Variants in SUN2 observed in about 807,000 individuals in gnomAD.
SUN2 encodes Sad1 and UNC84 domain containing 2.
In SUN2, 60 loss-of-function variants were observed where a neutral mutation model predicts 100.0. That is an observed-to-expected ratio of 0.60 (90% confidence interval 0.49 to 0.74). SUN2 has a LOEUF of 0.74. SUN2 is among the 30% of genes least tolerant of loss of function. SUN2 has a pLI of 0.00. For synonymous variants in SUN2, 367 were observed against 403.3 expected (o/e 0.91, Z 1.08); for missense variants, 834 against 954.6 (o/e 0.87, Z 1.66).
Position 38,740,818 on chromosome 22 carries a change from T to C in SUN2, c.1190+189A>G. The stretch of plus-strand genomic sequence containing the variant: ...CCCCCCGCCCTCAGGACCCCCCTGC[T>C]AACCTCCATGGCACCTCAAAGACAG... On this transcript the variant is annotated intron_variant, in intron 11 of 17. Coordinates refer to ENST00000689035, the MANE Select transcript of SUN2 (RefSeq NM_015374.3). This position sits in a 1 kb window ranked among gnomAD's most constrained non-coding sequence, Gnocchi z 4.8. 1 of 642,740 alleles carries C rather than the reference T, an allele frequency of 1.6e-6. No homozygotes were observed. Among genetic ancestry groups the C allele is most frequent in the Non-Finnish European group, 2.7e-6 (1 of 370,304 alleles). The allele number at this position is 642,740 out of a possible 1,614,324, so 39.8% of individuals were successfully genotyped here.
chr22:38,746,753 C>A (rs968457246), intron 7 of SUN2, among the ~76,000 whole-genome samples: 1 of 152,014 alleles, frequency 6.6e-6, no homozygotes, highest in Non-Finnish European at 1.5e-5. Flanking sequence ...CTGACTGGGC[C>A]GGGCGCGGTG....
In SUN2 at chr22:38,750,293, G is replaced by A. The variant is rs149626068; in HGVS notation, c.452C>T (p.Ser151Phe). 2.5e-6 allele frequency: 4 copies of A among 1,613,970 alleles called. No homozygotes were observed. Among genetic ancestry groups the A allele is most frequent in the Non-Finnish European group, 3.4e-6 (4 of 1,180,004 alleles). Reference sequence around the variant, plus strand: ...GACGGCGCTTCGGAGCCGCGAGCTGGAACTCTGCTGGTCCACATCCGAGTA... The same window carrying A: ...GACGGCGCTTCGGAGCCGCGAGCTGAAACTCTGCTGGTCCACATCCGAGTA... ...VGYSDVDQQS[S>F]SSRLRSAVSR... is the part of the protein sequence containing the mutation. Residue 151 changes from serine (S) to phenylalanine (F), a missense_variant, in exon 5 of 18, where the codon TCC becomes TTC. Physicochemically the swap from Ser to Phe is radical, Grantham distance 155. Transcript: ENST00000689035.
chr22:38,739,006 G>A lies in SUN2; in HGVS notation c.1664-18C>T, dbSNP rs747023868. The A allele has an allele frequency of 1.0e-5, 16 of 1,597,332 alleles. No homozygotes were observed. Among genetic ancestry groups the A allele is most frequent in the African/African-American group, 1.3e-5 (1 of 74,520 alleles). On this transcript the variant is annotated intron_variant, in intron 14 of 17. Transcript: ENST00000689035. This position sits in a 1 kb window ranked among gnomAD's most constrained non-coding sequence, Gnocchi z 6.7. ...GCTGGCCCCTGAGACAGGAGAGGAA[G>A]GCAGGGTGGGCTCCCGCACGGGAGG...
chr22:38,736,199 G>T lies in SUN2; in HGVS notation c.*68C>A. The T allele has an allele frequency of 6.9e-7, 1 of 1,444,534 alleles. No individual in the cohort carries two copies. The highest frequency in any genetic ancestry group is 9.7e-7 in the Non-Finnish European group (1 of 1,029,822). 89.5% of individuals were successfully genotyped at this position (1,444,534 alleles called of 1,614,324 possible). A position where few individuals can be genotyped will look rare whatever the true frequency, so the allele number is the denominator to read the frequency against. On this transcript the variant is annotated 3_prime_UTR_variant, in exon 18 of 18. Coordinates refer to ENST00000689035, the MANE Select transcript of SUN2 (RefSeq NM_015374.3). ...AGAAGTCAGAGCGCCGAGCAAGCGT[G>T]TGGGGGAAGCGGCGGGGTGCTGTTC...
At position 38,738,203 on chromosome 22, in the gene SUN2, G is replaced by A. The variant is rs529579340; in HGVS notation, c.2010C>T (p.Asp670=). The A allele has an allele frequency of 2.9e-5, 47 of 1,613,936 alleles. No homozygotes were observed. Among genetic ancestry groups the A allele is most frequent in the South Asian group, 2.3e-4 (21 of 91,088 alleles). ...TLLGKFTYDQ[D]GEPIQTFHFQ... ...AGTGAAACGTCTGAATAGGCTCGCC[G>A]TCCTGATCGTAAGTGAACTTGCCAA... The change falls in exon 17 of 18, where the codon GAC becomes GAT. Residue 670 remains aspartate (D), a synonymous_variant. Coordinates refer to ENST00000689035, the MANE Select transcript of SUN2 (RefSeq NM_015374.3). This position sits in a 1 kb window ranked among gnomAD's most constrained non-coding sequence, Gnocchi z 6.6.
chr22:38,748,268 C>T (rs981691662), intron 7 of SUN2, among the ~76,000 whole-genome samples: 4 of 152,178 alleles, frequency 2.6e-5, no homozygotes, highest in Non-Finnish European at 4.4e-5. Context: ...GAGCTGACAT[C>T]GCGCCATTGC....
intron 8 of SUN2, among the ~76,000 whole-genome samples, chr22:38,744,450 G>A (rs2092886996): frequency 6.6e-6 from 1 of 151,896 alleles, no homozygotes. Flanking sequence ...ACATGGTGGT[G>A]TACACCTGTA....
Position 38,755,812 on chromosome 22 carries a change from C to A in SUN2, c.-87G>T. The A allele has an allele frequency of 1.0e-6, 1 of 983,860 alleles. No homozygotes were observed. The highest frequency in any genetic ancestry group is 1.7e-5 in the African/African-American group (1 of 57,160). The allele number at this position is 983,860 out of a possible 1,614,324, so 60.9% of individuals were successfully genotyped here. ...CGGCCGGGGGCGTCCGAGGCCAGGC[C>A]GCCGCCGGGGCGCGCCCCCTTTCCG... On this transcript the variant is annotated 5_prime_UTR_variant, in exon 1 of 18. Transcript: ENST00000689035. This position sits in a 1 kb window ranked among gnomAD's most constrained non-coding sequence, Gnocchi z 5.7.
chr22:38,750,303 G>A lies in SUN2; in HGVS notation c.442C>T (p.Gln148Ter), dbSNP rs755615804. Residue 148 changes from glutamine (Q) to a stop codon, truncating the protein, a stop_gained, in exon 5 of 18, where the codon CAG (glutamine) becomes TAG (stop). Coordinates refer to ENST00000689035, the MANE Select transcript of SUN2 (RefSeq NM_015374.3). LOFTEE classifies it high-confidence loss of function. ...CGGAGCCGCGAGCTGGAACTCTGCT[G>A]GTCCACATCCGAGTAGCCTGCGGGG... Reference protein sequence around the residue: ...DDYVGYSDVDQQSSSSRLRSA... With the variant: ...DDYVGYSDVD 7 of 1,613,850 alleles carry A rather than the reference G, an allele frequency of 4.3e-6. No individual in the cohort carries two copies.
chr22:38,739,074 G>T lies in SUN2; in HGVS notation c.1664-86C>A. ...ATTGGCTGTCTCCTCGCTGAAGGTG[G>T]ACGGCAGATGCCCCAGGCCTAGCCT... On this transcript the variant is annotated intron_variant, in intron 14 of 17. Transcript: ENST00000689035. The surrounding 1 kb of genome is among the most constrained non-coding windows in gnomAD (Gnocchi z 6.7). 7.6e-7 allele frequency: 1 copy of T among 1,323,762 alleles called. No individual in the cohort carries two copies. The highest frequency in any genetic ancestry group is 1.1e-6 in the Non-Finnish European group (1 of 942,066). 82.0% of individuals were successfully genotyped at this position (1,323,762 alleles called of 1,614,324 possible).
intron 6 of SUN2, among the ~76,000 whole-genome samples, chr22:38,749,549 C>T (rs995926117): frequency 6.6e-6 from 1 of 152,166 alleles, no homozygotes; most frequent in African/African-American, 2.4e-5. Context: ...AATCCTGCCT[C>T]GAAGGGCTAT....
chr22:38,736,188 C>G lies in SUN2; in HGVS notation c.*79G>C. ...CTTGTGCTCCTAGAAGTCAGAGCGC[C>G]GAGCAAGCGTGTGGGGGAAGCGGCG... On this transcript the variant is annotated 3_prime_UTR_variant, in exon 18 of 18. Transcript: ENST00000689035. 5 of 1,361,116 alleles carry G rather than the reference C, an allele frequency of 3.7e-6. No individual in the cohort carries two copies. Among genetic ancestry groups the G allele is most frequent in the Non-Finnish European group, 5.2e-6 (5 of 955,782 alleles). The allele number at this position is 1,361,116 out of a possible 1,614,324, so 84.3% of individuals were successfully genotyped here. A position where few individuals can be genotyped will look rare whatever the true frequency, so the allele number is the denominator to read the frequency against.
chr22:38,735,457 C>G lies in SUN2; in HGVS notation c.*810G>C. On this transcript the variant is annotated 3_prime_UTR_variant, in exon 18 of 18. Transcript: ENST00000689035. ...AAAGACAGGTCTAGGTCTCCATACC[C>G]TGGGAGAATGTGGAAAGCAAGCTCA... is the stretch of plus-strand genomic sequence containing the variant. 1 of 299,182 alleles carries G rather than the reference C, an allele frequency of 3.3e-6. No homozygotes were observed. Among genetic ancestry groups the G allele is most frequent in the Non-Finnish European group, 6.6e-6 (1 of 150,956 alleles). 18.5% of individuals were successfully genotyped at this position (299,182 alleles called of 1,614,324 possible).
Position 38,739,539 on chromosome 22 carries a change from G to T in SUN2, c.1579-113C>A. 2 of 1,368,210 alleles carry T rather than the reference G, an allele frequency of 1.5e-6. No individual in the cohort carries two copies. The highest frequency in any genetic ancestry group is 2.4e-5 in the South Asian group (2 of 82,186). The allele number at this position is 1,368,210 out of a possible 1,614,324, so 84.8% of individuals were successfully genotyped here. ...CTGACCCCTTCTAGGCTTGCACTGT[G>T]CTGGTGCCCAGGCAGATGTGGGCAC... On this transcript the variant is annotated intron_variant, in intron 13 of 17. Transcript: ENST00000689035. The surrounding 1 kb of genome is among the most constrained non-coding windows in gnomAD (Gnocchi z 6.7).
intron 1 of SUN2, chr22:38,754,788 G>T: frequency 7.8e-7 from 1 of 1,285,750 alleles, no homozygotes; most frequent in East Asian, 5.6e-5. Context: ...TCTGATGGAG[G>T]TTGAGCGGGG....
At position 38,738,168 on chromosome 22, in the gene SUN2, C is replaced by G; in HGVS notation, c.2040+5G>C. The G allele has an allele frequency of 6.2e-7, 1 of 1,613,784 alleles. No homozygotes were observed. The highest frequency in any genetic ancestry group is 1.1e-5 in the South Asian group (1 of 91,084). ...CACTTCTGCTAGCACAGCAGCATCC[C>G]GTACCTGAAAGTGAAACGTCTGAAT... On this transcript the variant is annotated splice_donor_5th_base_variant and intron_variant, in intron 17 of 17. Coordinates refer to ENST00000689035, the MANE Select transcript of SUN2 (RefSeq NM_015374.3). The surrounding 1 kb of genome is among the most constrained non-coding windows in gnomAD (Gnocchi z 6.6).
chr22:38,735,880 C>G lies in SUN2; in HGVS notation c.*387G>C, dbSNP rs1377882703. 1 of 190,302 alleles carries G rather than the reference C, an allele frequency of 5.3e-6. No homozygotes were observed. Among genetic ancestry groups the G allele is most frequent in the African/African-American group, 2.4e-5 (1 of 42,052 alleles). The allele number at this position is 190,302 out of a possible 1,614,324, so 11.8% of individuals were successfully genotyped here. On this transcript the variant is annotated 3_prime_UTR_variant, in exon 18 of 18. Transcript: ENST00000689035. ...CAGGGGCAGAGGCAGCTCACCTAGC[C>G]CAGGCCGTAGCTTGCCCCTCCCACA... is the stretch of plus-strand genomic sequence containing the variant.
chr22:38,740,252 G>A lies in SUN2; in HGVS notation c.1356+15C>T, dbSNP rs2092844339. ...GAGGAGAGGGACCAGCAGGGCCCTG[G>A]TGGTTCCCACTCACGTCGTCCCGCA... On this transcript the variant is annotated intron_variant, in intron 12 of 17. Coordinates refer to ENST00000689035, the MANE Select transcript of SUN2 (RefSeq NM_015374.3). This position sits in a 1 kb window ranked among gnomAD's most constrained non-coding sequence, Gnocchi z 4.8. 1 of 1,552,404 alleles carries A rather than the reference G, an allele frequency of 6.4e-7. No individual in the cohort carries two copies. Among genetic ancestry groups the A allele is most frequent in the African/African-American group, 1.4e-5 (1 of 73,712 alleles).
At chr22:38,741,359 G>T (rs1333516215) in intron 10 of SUN2, 135 bp downstream of exon 10, 6 of 903,116 alleles carry the variant, frequency 6.6e-6, no homozygotes, top group African/African-American at 3.3e-5. Context: ...GTCAAACAGA[G>T]AAGTCAGAGG....
Sources: allele counts gnomAD v4.1 joint callset (sites outside exome capture counted in the v4.1 genomes callset), GRCh38; gene constraint gnomAD v4.1.1; non-coding constraint Gnocchi (gnomAD v3.1); transcripts MANE v1.5; gene names NCBI Gene and HGNC (gene_info 2026-07-23, HGNC 2026-07-21).